The following VAV2 variants were observed in gnomAD, a reference collection of about 807,000 sequenced individuals.
VAV2 encodes the protein guanine nucleotide exchange factor VAV2.
VAV2 carries 67 observed loss-of-function variants against 132.5 expected under a neutral mutation model. That is an observed-to-expected ratio of 0.51 (90% confidence interval 0.42 to 0.62). The LOEUF (loss-of-function observed/expected upper bound fraction) is 0.62. VAV2 is among the 20% of genes least tolerant of loss of function. The probability of loss-of-function intolerance (pLI) is 0.00; values close to 1 mark genes in which losing one functional copy is unlikely to be tolerated. For synonymous variants in VAV2, 492 were observed against 443.5 expected (o/e 1.11, Z -1.37); for missense variants, 938 against 1,153.6 (o/e 0.81, Z 2.71).
Position 133,961,069 on chromosome 9 carries a change from C to T in VAV2, c.205-21850G>A, listed in dbSNP as rs1488894429. Among the ~76,000 whole-genome samples, 1 of 152,246 alleles carries T rather than the reference C, an allele frequency of 6.6e-6. No individual in the cohort carries two copies. Among genetic ancestry groups the T allele is most frequent in the East Asian group, 1.9e-4 (1 of 5,200 alleles). ...GAGCAGGGGCCTCCACTGGCCCACACCCGGCACACATCACGGGCGGCCCCA... is the reference window on the plus strand; with the variant it reads ...GAGCAGGGGCCTCCACTGGCCCACATCCGGCACACATCACGGGCGGCCCCA... On this transcript the variant is annotated intron_variant, in intron 1 of 29. Coordinates refer to ENST00000371850, the MANE Select transcript of VAV2 (RefSeq NM_001134398.2). This position sits in a 1 kb window ranked among gnomAD's most constrained non-coding sequence, Gnocchi z 4.1.
intron 10 of VAV2, among the ~76,000 whole-genome samples, 197 bp downstream of exon 10, chr9:133,797,513 G>A (rs1190806965): frequency 6.6e-6 from 1 of 152,176 alleles, no homozygotes; most frequent in Non-Finnish European, 1.5e-5. Flanking sequence ...CCTGGCCTGG[G>A]ATGGTGACCT....
intron 1 of VAV2, among the ~76,000 whole-genome samples, chr9:133,979,918 A>C (rs941329964): frequency 2.0e-5 from 3 of 152,158 alleles, no homozygotes; most frequent in African/African-American, 7.2e-5. Flanking sequence ...CTCTCATCTG[A>C]AAGTGCCATC....
In VAV2 at chr9:133,779,642, C is replaced by T. The variant is rs556428708; in HGVS notation, c.1762+276G>A. Among the ~76,000 whole-genome samples the T allele has an allele frequency of 1.4e-3, 213 of 152,324 alleles. 6 individuals are homozygous for T. The highest frequency in any genetic ancestry group is 7.2e-4 in the African/African-American group (30 of 41,572). ...TGATCTCAGGTCTCTGGCTGCAGTT[C>T]GGTGGCCCTCCCTGGCTAGAAGGCC... On this transcript the variant is annotated intron_variant, in intron 21 of 29. Transcript: ENST00000371850.
At chr9:133,958,141 A>G (rs959331934) in intron 1 of VAV2, among the ~76,000 whole-genome samples, 4 of 140,860 alleles carry the variant, frequency 2.8e-5, no homozygotes, top group Non-Finnish European at 6.4e-5. Context: ...AGTCTGAAAT[A>G]TGGCCTCGTG....
intron 1 of VAV2, among the ~76,000 whole-genome samples, chr9:133,965,188 A>C (rs1842103090): frequency 6.7e-6 from 1 of 149,186 alleles, no homozygotes; most frequent in East Asian, 1.9e-4. Context: ...CTAGCAGAAT[A>C]AAAAAAAAAT....
chr9:133,834,257 A>G lies in VAV2; in HGVS notation c.449+15T>C, dbSNP rs1223946133. The G allele has an allele frequency of 1.9e-6, 3 of 1,585,688 alleles. No homozygotes were observed. Among genetic ancestry groups the G allele is most frequent in the Admixed American group, 1.7e-5 (1 of 58,584 alleles). ...CTCCCTCCTCTCCATCCCTCCTCCC[A>G]TCCCCCCGCCTTACTCGGCCAGCTC... On this transcript the variant is annotated intron_variant, in intron 4 of 29. Coordinates refer to ENST00000371850, the MANE Select transcript of VAV2 (RefSeq NM_001134398.2). The surrounding 1 kb of genome is among the most constrained non-coding windows in gnomAD (Gnocchi z 5.9).
chr9:133,809,994 G>A (rs1254173896), intron 6 of VAV2, among the ~76,000 whole-genome samples, 197 bp downstream of exon 6: 1 of 152,180 alleles, frequency 6.6e-6, no homozygotes, highest in Non-Finnish European at 1.5e-5. Context: ...GGTCTCTAAG[G>A]CAACGTGCAA....
chr9:133,901,955 C>G (rs917325972), intron 2 of VAV2, among the ~76,000 whole-genome samples: 2 of 152,184 alleles, frequency 1.3e-5, no homozygotes, highest in African/African-American at 4.8e-5. Flanking sequence ...TGCACCTCCT[C>G]CTACCACACA....
At chr9:133,974,876 C>T (rs1842456036) in intron 1 of VAV2, among the ~76,000 whole-genome samples, 2 of 152,160 alleles carry the variant, frequency 1.3e-5, no homozygotes, top group Admixed American at 1.3e-4. Flanking sequence ...CGAAGTCTTC[C>T]AAGAACCTCC....
At chr9:133,815,385 T>C (rs2131713823) in intron 4 of VAV2, among the ~76,000 whole-genome samples, 1 of 152,252 alleles carries the variant, frequency 6.6e-6, no homozygotes, top group South Asian at 2.1e-4. Flanking sequence ...GACAAGTGGC[T>C]ACACCTGTGT....
chr9:133,968,823 A>G (rs1588192573), intron 1 of VAV2, among the ~76,000 whole-genome samples: 1 of 151,598 alleles, frequency 6.6e-6, no homozygotes, highest in Non-Finnish European at 1.5e-5. Context: ...GTGTCTCGAG[A>G]CCCCCGGCTG....
chr9:133,878,776 T>C (rs772377458), intron 2 of VAV2, among the ~76,000 whole-genome samples: 1 of 152,046 alleles, frequency 6.6e-6, no homozygotes, highest in Non-Finnish European at 1.5e-5. Flanking sequence ...ATCCAGCCAG[T>C]GGGTTTCCAA....
At chr9:133,859,840 G>A (rs543566905) in intron 3 of VAV2, among the ~76,000 whole-genome samples, 12 of 152,334 alleles carry the variant, frequency 7.9e-5, no homozygotes, top group African/African-American at 2.6e-4. Context: ...CTTTGCACCA[G>A]CTGGAAAATA....
chr9:133,791,610 G>A (rs1344647944), intron 13 of VAV2, among the ~76,000 whole-genome samples, 173 bp downstream of exon 13: 1 of 149,688 alleles, frequency 6.7e-6, no homozygotes, highest in Non-Finnish European at 1.5e-5. Flanking sequence ...GGGCAAGGAA[G>A]CGTGGATGCT....
intron 2 of VAV2, among the ~76,000 whole-genome samples, chr9:133,872,322 T>C (rs9657701): frequency 0.16 from 24,596 of 152,236 alleles, 2,467 homozygotes; most frequent in African/African-American, 0.29. Context: ...ACGTCCTCCA[T>C]GTTTCCATGG....
At position 133,780,723 on chromosome 9, in the gene VAV2, C is replaced by A; in HGVS notation, c.1724-13G>T. Reference sequence around the variant, plus strand: ...TCTGCAGGAGAAGCTGGAAAGGAAGCAGGTCAGGTGTTAGAGGGGAGGCCA... The same window carrying A: ...TCTGCAGGAGAAGCTGGAAAGGAAGAAGGTCAGGTGTTAGAGGGGAGGCCA... On this transcript the variant is annotated splice_polypyrimidine_tract_variant and intron_variant, in intron 19 of 29. Coordinates refer to ENST00000371850, the MANE Select transcript of VAV2 (RefSeq NM_001134398.2). 2 of 1,275,304 alleles carry A rather than the reference C, an allele frequency of 1.6e-6. No homozygotes were observed. The highest frequency in any genetic ancestry group is 1.0e-6 in the Non-Finnish European group (1 of 1,002,630). The allele number at this position is 1,275,304 out of a possible 1,614,324, so 79.0% of individuals were successfully genotyped here.
At position 133,867,561 on chromosome 9, in the gene VAV2, C is replaced by T. The variant is rs976430639; in HGVS notation, c.322-6129G>A. On this transcript the variant is annotated intron_variant, in intron 2 of 29. Transcript: ENST00000371850. ...AGGGAATCTCCCTTTCCAGGACCCC[C>T]TGGCAGGGCCAGCCACACCCTCCTG... Among the ~76,000 whole-genome samples, 3 of 152,326 alleles carry T rather than the reference C, an allele frequency of 2.0e-5. No homozygotes were observed. The East Asian group carries it at 5.8e-4, about 29-fold the overall frequency.
At chr9:133,889,749 T>TAC (rs71503360) in intron 2 of VAV2, among the ~76,000 whole-genome samples, 1,272 of 23,080 alleles carry the variant, frequency 0.055, 20 homozygotes, top group African/African-American at 0.077. Flanking sequence ...ACATTTCATT[T>TAC]ACACACACAC....
At position 133,804,373 on chromosome 9, in the gene VAV2, T is replaced by C. The variant is rs1166892478; in HGVS notation, c.836+1708A>G. Reference sequence around the variant, plus strand: ...GTCCACAGAGCTCTTGGGCTGGGCCTGTGACTGGACGTGCTGCCCGCACTG... The same window carrying C: ...GTCCACAGAGCTCTTGGGCTGGGCCCGTGACTGGACGTGCTGCCCGCACTG... On this transcript the variant is annotated intron_variant, in intron 9 of 29. Coordinates refer to ENST00000371850, the MANE Select transcript of VAV2 (RefSeq NM_001134398.2). This position sits in a 1 kb window ranked among gnomAD's most constrained non-coding sequence, Gnocchi z 4.5. 6.6e-6 allele frequency among the ~76,000 whole-genome samples: 1 copy of C among 152,184 alleles called. No individual in the cohort carries two copies. The highest frequency in any genetic ancestry group is 2.4e-5 in the African/African-American group (1 of 41,446).
Sources: gnomAD v4.1 joint callset for allele counts (sites outside exome capture counted in the v4.1 genomes callset) on GRCh38, gnomAD v4.1.1 for gene constraint, Gnocchi (gnomAD v3.1) non-coding constraint, MANE v1.5 for transcripts, NCBI Gene and HGNC (gene_info 2026-07-23, HGNC 2026-07-21) for gene names.